Variants in WNT5B observed in about 807,000 individuals in gnomAD.
WNT5B encodes the protein protein Wnt-5b.
In WNT5B, 18 loss-of-function variants were observed where a neutral mutation model predicts 36.5. The observed-to-expected ratio is 0.49, with a 90% CI of 0.34 to 0.73. The LOEUF is 0.73. Ranked by LOEUF, WNT5B falls within the 30% of genes least tolerant of loss-of-function variation. The pLI is 0.01. For missense variants in WNT5B, 424 were observed against 508.4 expected (o/e 0.83, Z 1.60); for synonymous variants, 213 against 212.3 (o/e 1.00, Z -0.03).
chr12:1,619,260 C>A (rs988908259), intron 1 of WNT5B, among the ~76,000 whole-genome samples: 1 of 152,076 alleles, frequency 6.6e-6, no homozygotes, highest in Non-Finnish European at 1.5e-5. Flanking sequence ...CAACCCTCTC[C>A]CCGCCCAATT....
At chr12:1,635,792 G>A (rs1025592807) in intron 3 of WNT5B, among the ~76,000 whole-genome samples, 2 of 152,234 alleles carry the variant, frequency 1.3e-5, no homozygotes, top group Non-Finnish European at 2.9e-5. Context: ...TCTGAGCCCC[G>A]TAGACCGGGT....
At chr12:1,622,974 A>C (rs1229681602) in intron 1 of WNT5B, among the ~76,000 whole-genome samples, 1 of 152,108 alleles carries the variant, frequency 6.6e-6, no homozygotes, top group Non-Finnish European at 1.5e-5. Flanking sequence ...AGAGAGGAGA[A>C]ACCATTCCCA....
chr12:1,635,397 T>C (rs1047808293), intron 3 of WNT5B, among the ~76,000 whole-genome samples: 6 of 152,206 alleles, frequency 3.9e-5, no homozygotes, highest in Non-Finnish European at 4.4e-5. Flanking sequence ...AAAGGCTTAA[T>C]AGTTGTTTTC....
chr12:1,631,182 T>C (rs1398586331), intron 1 of WNT5B, 116 bp from the exon 2 acceptor site: 2 of 917,642 alleles, frequency 2.2e-6, no homozygotes, highest in African/African-American at 3.3e-5. Context: ...CGAGCTTCTT[T>C]GTGGGGAACA....
Position 1,618,105 on chromosome 12 carries a change from G to A in WNT5B, c.-58+962G>A, listed in dbSNP as rs1336103767. ...TGCAGTGAGCTGTGATCATGCCACC[G>A]TACTCCAGCCTGGGTGACAGTGAGA... On this transcript the variant is annotated intron_variant, in intron 1 of 4. Transcript: ENST00000310594. The surrounding 1 kb of genome is among the most constrained non-coding windows in gnomAD (Gnocchi z 4.1). Among the ~76,000 whole-genome samples, 2 of 152,140 alleles carry A rather than the reference G, an allele frequency of 1.3e-5. No individual in the cohort carries two copies. Among genetic ancestry groups the A allele is most frequent in the East Asian group, 1.9e-4 (1 of 5,192 alleles).
Position 1,635,890 on chromosome 12 carries a change from C to A in WNT5B, c.328+2985C>A, listed in dbSNP as rs2094559727. ...TATTTCACAACTGACCAGAAGCCAG[C>A]CACTGGTTAATAGAGAAAAACGGAC... On this transcript the variant is annotated intron_variant, in intron 3 of 4. Coordinates refer to ENST00000397196, the MANE Select transcript of WNT5B (RefSeq NM_032642.3). Among the ~76,000 whole-genome samples the A allele has an allele frequency of 2.6e-5, 4 of 152,190 alleles. No homozygotes were observed. In the South Asian group the frequency reaches 8.3e-4, roughly 32 times the overall value.
upstream of WNT5B, among the ~76,000 whole-genome samples, chr12:1,624,468 A>C (rs1338800068): frequency 2.0e-5 from 3 of 151,860 alleles, no homozygotes; most frequent in Non-Finnish European, 4.4e-5. Context: ...GAGTAGAAAG[A>C]TCTGGATTCC....
chr12:1,625,971 TTCTC>T (rs1420971602), upstream of WNT5B, among the ~76,000 whole-genome samples: 9 of 148,788 alleles, frequency 6.0e-5, no homozygotes, highest in Middle Eastern at 6.9e-3. Flanking sequence ...CCTGTTTTTT[TTCTC>T]TCTCTTTTTT....
upstream of WNT5B, among the ~76,000 whole-genome samples, chr12:1,626,098 C>A (rs2094540638): frequency 6.6e-6 from 1 of 151,708 alleles, no homozygotes. Context: ...CTGGCCTCAG[C>A]CTCCCAGGCA....
Position 1,639,746 on chromosome 12 carries a change from C to T in WNT5B, c.391C>T (p.Arg131Trp). 3 of 1,602,878 alleles carry T rather than the reference C, an allele frequency of 1.9e-6. No individual in the cohort carries two copies. Among genetic ancestry groups the T allele is most frequent in the East Asian group, 2.2e-5 (1 of 44,496 alleles). ...CGCGGGCGTGGTCAACGCCATCAGC[C>T]GGGCCTGCCGCGAGGGCGAGCTCTC... Reference protein sequence around the residue: ...SAAGVVNAISRACREGELSTC... With the variant: ...SAAGVVNAISWACREGELSTC... The change falls in exon 4 of 5, where the codon CGG (arginine) becomes TGG (tryptophan). Residue 131 changes from arginine (R) to tryptophan (W), a missense_variant. By Grantham distance (101) the Arg-to-Trp change is moderately radical. Transcript: ENST00000397196.
intron 4 of WNT5B, among the ~76,000 whole-genome samples, chr12:1,640,288 G>C (rs1465691623): frequency 1.3e-5 from 2 of 152,154 alleles, no homozygotes; most frequent in African/African-American, 4.8e-5. Context: ...TTAGAGCAGC[G>C]CTCTTGTCTT....
chr12:1,641,255 AG>A (rs2094574536), intron 4 of WNT5B, among the ~76,000 whole-genome samples: 1 of 152,006 alleles, frequency 6.6e-6, no homozygotes, highest in Admixed American at 6.6e-5. Context: ...ACTTGGTGGC[AG>A]GCACCTGTAA....
At position 1,618,600 on chromosome 12, in the gene WNT5B, T is replaced by C. The variant is rs2094529883; in HGVS notation, c.-58+1457T>C. 6.6e-6 allele frequency among the ~76,000 whole-genome samples: 1 copy of C among 152,234 alleles called. No homozygotes were observed. The highest frequency in any genetic ancestry group is 1.5e-5 in the Non-Finnish European group (1 of 68,040). Reference sequence around the variant, plus strand: ...ACCTATACACTTCTGCCTTCTTTTCTAGAGCATATTTTAAAACTATTTTAT... The same window carrying C: ...ACCTATACACTTCTGCCTTCTTTTCCAGAGCATATTTTAAAACTATTTTAT... On this transcript the variant is annotated intron_variant, in intron 1 of 4. Coordinates refer to the WNT5B transcript ENST00000310594. The surrounding 1 kb of genome is among the most constrained non-coding windows in gnomAD (Gnocchi z 4.1).
chr12:1,636,951 A>G (rs2094562947), intron 3 of WNT5B, among the ~76,000 whole-genome samples: 1 of 152,130 alleles, frequency 6.6e-6, no homozygotes, highest in Admixed American at 6.5e-5. Flanking sequence ...CATGTGATCC[A>G]TGCTCCTTGG....
chr12:1,630,618 G>C lies in WNT5B; in HGVS notation c.-57-680G>C, dbSNP rs1280616928. 6.6e-6 allele frequency among the ~76,000 whole-genome samples: 1 copy of C among 152,224 alleles called. No individual in the cohort carries two copies. The highest frequency in any genetic ancestry group is 2.4e-5 in the African/African-American group (1 of 41,458). On this transcript the variant is annotated intron_variant, in intron 1 of 4. Transcript: ENST00000397196. The surrounding 1 kb of genome is among the most constrained non-coding windows in gnomAD (Gnocchi z 5.3). The stretch of plus-strand genomic sequence containing the variant: ...GCCGGGAGGGGCAGGGGCCGCCTAG[G>C]GAGGCACCACCTCAGCCGCCAGAGC...
chr12:1,639,561 G>GC (rs2094569790), intron 3 of WNT5B, 123 bp from the exon 4 acceptor site: 1 of 1,096,608 alleles, frequency 9.1e-7, no homozygotes, highest in African/African-American at 1.7e-5. Flanking sequence ...GGGAAGCGAA[G>GC]CCCCCTGCCC....
chr12:1,624,470 C>G (rs1565603821), upstream of WNT5B, among the ~76,000 whole-genome samples: 1 of 151,074 alleles, frequency 6.6e-6, no homozygotes, highest in Admixed American at 6.6e-5. Flanking sequence ...GTAGAAAGAT[C>G]TGGATTCCAA....
chr12:1,641,887 G>T (rs1357823261), intron 4 of WNT5B, among the ~76,000 whole-genome samples: 1 of 152,242 alleles, frequency 6.6e-6, no homozygotes, highest in South Asian at 2.1e-4. Flanking sequence ...AGTGTCTTTT[G>T]TCTGAATGGG....
intron 4 of WNT5B, among the ~76,000 whole-genome samples, chr12:1,643,664 C>T (rs938443138): frequency 7.2e-5 from 10 of 139,776 alleles, no homozygotes; most frequent in African/African-American, 1.1e-4. Flanking sequence ...CCATGCCCGG[C>T]GAACTAAAAC....
Sources: allele counts gnomAD v4.1 joint callset (sites outside exome capture counted in the v4.1 genomes callset), GRCh38; gene constraint gnomAD v4.1.1; non-coding constraint Gnocchi (gnomAD v3.1); transcripts MANE v1.5; gene names NCBI Gene and HGNC (gene_info 2026-07-23, HGNC 2026-07-21).